FLVCR1: variants seen among roughly 807,000 people sequenced by gnomAD.
FLVCR1 encodes FLVCR choline and heme transporter 1, also known as choline/ethanolamine transporter FLVCR1.
A neutral mutation model predicts 53.6 loss-of-function variants in FLVCR1; 34 were observed. The observed-to-expected ratio is 0.63, with a 90% CI of 0.48 to 0.84. The LOEUF is 0.84. Among genes scored for constraint, FLVCR1 ranks in the 40% least tolerant of loss-of-function variants. FLVCR1 has a pLI of 0.00. For synonymous variants in FLVCR1, 300 were observed against 286.3 expected (o/e 1.05, Z -0.48); for missense variants, 677 against 696.7 (o/e 0.97, Z 0.32).
Position 212,898,825 on chromosome 1 carries a change from C to G in FLVCR1, c.*3535C>G, listed in dbSNP as rs1336585219. On this transcript the variant is annotated 3_prime_UTR_variant, in exon 10 of 10. Coordinates refer to ENST00000366971, the MANE Select transcript of FLVCR1 (RefSeq NM_014053.4). The stretch of plus-strand genomic sequence containing the variant: ...GGCTAGATGGCAAAGTCTGTCGCTT[C>G]TGGGCTACAGACCTGTACAGCATGG... 1 of 152,226 alleles carries G rather than the reference C, an allele frequency of 6.6e-6. No individual in the cohort carries two copies. The highest frequency in any genetic ancestry group is 1.5e-5 in the Non-Finnish European group (1 of 68,048). 9.4% of individuals were successfully genotyped at this position (152,226 alleles called of 1,614,324 possible). A position where few individuals can be genotyped will look rare whatever the true frequency, so the allele number is the denominator to read the frequency against.
chr1:212,858,973 G>A lies in FLVCR1; in HGVS notation c.521G>A (p.Arg174Gln). The change falls in exon 1 of 10, where the codon CGG becomes CAG. Residue 174 changes from arginine (R) to glutamine (Q), a missense_variant. Arg to Gln is a conservative substitution (Grantham distance 43). Coordinates refer to ENST00000366971, the MANE Select transcript of FLVCR1 (RefSeq NM_014053.4). ...TGGCTGCTGGACACCAGAGGCCTGC[G>A]GCTCACCGCCCTGCTGGGCTCCGGC... Reference protein sequence around the residue: ...ATWLLDTRGLRLTALLGSGLN... With the variant: ...ATWLLDTRGLQLTALLGSGLN... 1.9e-6 allele frequency: 3 copies of A among 1,614,048 alleles called. No homozygotes were observed. The highest frequency in any genetic ancestry group is 2.5e-6 in the Non-Finnish European group (3 of 1,179,966).
intron 1 of FLVCR1, among the ~76,000 whole-genome samples, chr1:212,860,604 T>C (rs1236386071): frequency 6.6e-6 from 1 of 152,144 alleles, no homozygotes; most frequent in East Asian, 1.9e-4. Context: ...TATTTTACTT[T>C]AATTCTCCTT....
chr1:212,894,996 G>A lies in FLVCR1; in HGVS notation c.1536G>A (p.Lys512=). 6.2e-7 allele frequency: 1 copy of A among 1,604,346 alleles called. No homozygotes were observed. ...GCCCCTCTGTTTCAGCATTAATCAA[G>A]TCTGATCTGCGAAGACACAACATAA... ...FIGIILTALI[K]SDLRRHNINI... The change falls in exon 9 of 10, where the codon AAG becomes AAA. Residue 512 remains lysine (K), a synonymous_variant. Coordinates refer to ENST00000366971, the MANE Select transcript of FLVCR1 (RefSeq NM_014053.4).
intron 5 of FLVCR1, 170 bp downstream of exon 5, chr1:212,885,566 TTTGAGACG>T: frequency 1.1e-4 from 51 of 468,906 alleles, no homozygotes; most frequent in South Asian, 3.5e-4. Flanking sequence ...TTTTTTTTTT[TTTGAGACG>T]GAGTCTCGTT....
intron 3 of FLVCR1, among the ~76,000 whole-genome samples, chr1:212,882,584 ATATGAGGATAT>A (rs1357071898): frequency 6.6e-6 from 1 of 152,162 alleles, no homozygotes; most frequent in Non-Finnish European, 1.5e-5. Flanking sequence ...TCCGGGTGAT[ATATGAGGATAT>A]TTGTTGTATT....
At chr1:212,860,909 C>A (rs1025127444) in intron 1 of FLVCR1, among the ~76,000 whole-genome samples, 3 of 152,200 alleles carry the variant, frequency 2.0e-5, no homozygotes, top group Non-Finnish European at 4.4e-5. Context: ...ATCTCTAATG[C>A]CACTGTCTTG....
At chr1:212,869,857 T>A (rs538445925) in intron 2 of FLVCR1, among the ~76,000 whole-genome samples, 2 of 152,392 alleles carry the variant, frequency 1.3e-5, no homozygotes, top group African/African-American at 4.8e-5. Context: ...AATATTTTCA[T>A]TTTTGCATTT....
chr1:212,865,981 G>GTTTTTTTTTT lies in FLVCR1; in HGVS notation c.883+2124_883+2133dup, dbSNP rs1319691717. ...GCATTTGGCTAATTTTTGGGGTTTG[G>GTTTTTTTTTT]TTTTTTTTTTTTTTTTTTTTTGAGA... On this transcript the variant is annotated intron_variant, in intron 2 of 9. Transcript: ENST00000366971. Among the ~76,000 whole-genome samples the GTTTTTTTTTT allele has an allele frequency of 3.0e-3, 125 of 41,276 alleles. 1 individual carries two copies. Among genetic ancestry groups the GTTTTTTTTTT allele is most frequent in the Middle Eastern group, 0.015 (1 of 66 alleles). The allele number at this position is 41,276 out of a possible 152,430, so 27.1% of individuals were successfully genotyped here. A position where few individuals can be genotyped will look rare whatever the true frequency, so the allele number is the denominator to read the frequency against.
At chr1:212,886,187 G>A (rs1456640782) in intron 5 of FLVCR1, among the ~76,000 whole-genome samples, 2 of 151,330 alleles carry the variant, frequency 1.3e-5, no homozygotes, top group Non-Finnish European at 2.9e-5. Context: ...GACCACAGGT[G>A]TGCGCCACCA....
rs1311622005 is a variant in FLVCR1, at chr1:212,858,506, C to A, written c.54C>A (p.Leu18=). 2.1e-6 allele frequency: 3 copies of A among 1,448,618 alleles called. No individual in the cohort carries two copies. Among genetic ancestry groups the A allele is most frequent in the Admixed American group, 2.8e-5 (1 of 36,290 alleles). 89.7% of individuals were successfully genotyped at this position (1,448,618 alleles called of 1,614,324 possible). ...EGAAVAPGHP[L]AKGYLPLPRG... ...CGGCGGTGGCGCCCGGACACCCGCT[C>A]GCGAAAGGATACCTCCCGTTGCCGA... is the stretch of plus-strand genomic sequence containing the variant. The change falls in exon 1 of 10, where the codon CTC becomes CTA. Residue 18 remains leucine (L), a synonymous_variant. Transcript: ENST00000366971.
chr1:212,859,326 A>G (rs1414941316), intron 1 of FLVCR1, 136 bp downstream of exon 1: 10 of 1,330,174 alleles, frequency 7.5e-6, no homozygotes, highest in South Asian at 2.5e-5. Context: ...AAGCCGTTGA[A>G]TAGGAGGCCG....
chr1:212,862,180 C>T (rs1262015706), intron 1 of FLVCR1, among the ~76,000 whole-genome samples: 1 of 74,834 alleles, frequency 1.3e-5, no homozygotes, highest in Non-Finnish European at 3.4e-5. Context: ...GTAAAATTCA[C>T]ATAAATAAAA....
intron 8 of FLVCR1, among the ~76,000 whole-genome samples, chr1:212,891,282 C>T (rs952615029): frequency 4.0e-5 from 6 of 151,794 alleles, no homozygotes; most frequent in Non-Finnish European, 5.9e-5. Context: ...TTTATGGGCA[C>T]ACACCTGTAA....
intron 4 of FLVCR1, 37 bp downstream of exon 4, chr1:212,883,475 A>T (rs1462926589): frequency 7.9e-7 from 1 of 1,264,628 alleles, no homozygotes; most frequent in Non-Finnish European, 1.2e-6. Flanking sequence ...ATGCCTGGCC[A>T]AAAATTTTTC....
chr1:212,863,596 A>G (rs958373520), intron 1 of FLVCR1, 129 bp from the exon 2 acceptor site: 1 of 860,644 alleles, frequency 1.2e-6, no homozygotes. Flanking sequence ...AAAAAAAAAA[A>G]GAACATAATA....
rs538442311 is a variant in FLVCR1, at chr1:212,872,414, G to A, written c.884-264G>A. Among the ~76,000 whole-genome samples, 4 of 152,232 alleles carry A rather than the reference G, an allele frequency of 2.6e-5. No homozygotes were observed. In the South Asian group the frequency reaches 8.3e-4, roughly 32 times the overall value. On this transcript the variant is annotated intron_variant, in intron 2 of 9. Coordinates refer to ENST00000366971, the MANE Select transcript of FLVCR1 (RefSeq NM_014053.4). ...GCAAGGTTGTGGCATATTATTGATG[G>A]TTTTGCAGTTCACTTATATGAATTG...
At chr1:212,880,194 C>T (rs1664885433) in intron 3 of FLVCR1, among the ~76,000 whole-genome samples, 1 of 152,076 alleles carries the variant, frequency 6.6e-6, no homozygotes. Flanking sequence ...GCCAGTTACC[C>T]AGGTGTTTTT....
chr1:212,865,484 G>GGTTTTTTTT (rs760623988), intron 2 of FLVCR1, among the ~76,000 whole-genome samples: 1 of 47,756 alleles, frequency 2.1e-5, no homozygotes, highest in Non-Finnish European at 4.2e-5. Context: ...TTGCAATAGG[G>GGTTTTTTTT]ATTTTTTTTT....
rs771651161 is a variant in FLVCR1 at position 212,859,200 on chromosome 1, G to A, written c.738+10G>A. 1.1e-5 allele frequency: 17 copies of A among 1,614,020 alleles called. No homozygotes were observed. The highest frequency in any genetic ancestry group is 1.7e-4 in the Middle Eastern group (1 of 5,924). On this transcript the variant is annotated intron_variant, in intron 1 of 9. Transcript: ENST00000366971. ...CGTGCTGGGCAATCAGGTAAGTACT[G>A]GAGTGGTAGGTGAAAGTCAGATCCT...
Sources: gnomAD v4.1 joint callset for allele counts (sites outside exome capture counted in the v4.1 genomes callset) on GRCh38, gnomAD v4.1.1 for gene constraint, MANE v1.5 for transcripts, NCBI Gene and HGNC (gene_info 2026-07-23, HGNC 2026-07-21) for gene names.